CFLAR: variants seen among roughly 807,000 people sequenced by gnomAD.
The protein encoded by CFLAR is CASP8 and FADD like apoptosis regulator, also known as CASP8 and FADD-like apoptosis regulator.
In CFLAR, 14 loss-of-function variants were observed where a neutral mutation model predicts 51.1. The observed-to-expected ratio is 0.27, with a 90% CI of 0.18 to 0.43. CFLAR has a LOEUF of 0.43. Ranked by LOEUF, CFLAR falls within the 20% of genes least tolerant of loss-of-function variation. The pLI is 1.00. For missense variants in CFLAR, 390 were observed against 566.5 expected (o/e 0.69, Z 3.16); for synonymous variants, 210 against 211.6 (o/e 0.99, Z 0.06).
At chr2:201,162,153 G>A (rs2125939102) in intron 9 of CFLAR, among the ~76,000 whole-genome samples, 1 of 152,058 alleles carries the variant, frequency 6.6e-6, no homozygotes, top group African/African-American at 2.4e-5. Flanking sequence ...GTCCAGGCTG[G>A]AGTGCAGTGG....
At chr2:201,143,123 A>G (rs1236797125) in intron 5 of CFLAR, among the ~76,000 whole-genome samples, 1 of 152,204 alleles carries the variant, frequency 6.6e-6, no homozygotes, top group African/African-American at 2.4e-5. Context: ...ATTCATTGCT[A>G]TGTAGCCTGT....
chr2:201,117,916 C>T (rs2047776067), intron 1 of CFLAR, among the ~76,000 whole-genome samples: 2 of 152,198 alleles, frequency 1.3e-5, no homozygotes, highest in Middle Eastern at 3.4e-3. Flanking sequence ...CCACCATGCC[C>T]GGCTAGTTTT....
chr2:201,135,864 C>A, intron 3 of CFLAR, 108 bp from the exon 4 acceptor site: 2 of 1,452,504 alleles, frequency 1.4e-6, no homozygotes, highest in Admixed American at 2.3e-5. Context: ...TGGGCTCAAG[C>A]AGTCTTCCTG....
chr2:201,135,489 A>G (rs2125708585), intron 3 of CFLAR, among the ~76,000 whole-genome samples: 1 of 152,194 alleles, frequency 6.6e-6, no homozygotes, highest in East Asian at 1.9e-4. Flanking sequence ...TGTTCTGAGT[A>G]AAAATCAGGA....
intron 9 of CFLAR, among the ~76,000 whole-genome samples, chr2:201,162,196 G>A (rs1358734924): frequency 8.6e-5 from 13 of 151,982 alleles, no homozygotes; most frequent in Non-Finnish European, 1.6e-4. Flanking sequence ...TCCACCTCCC[G>A]GGTTCAGGCA....
In CFLAR at chr2:201,170,520, A is replaced by G. The variant is rs1288025076; in HGVS notation, c.*6547A>G. 9.2e-5 allele frequency: 14 copies of G among 152,204 alleles called. No homozygotes were observed. Among genetic ancestry groups the G allele is most frequent in the Non-Finnish European group, 1.9e-4 (13 of 68,028 alleles). The allele number at this position is 152,204 out of a possible 1,614,324, so 9.4% of individuals were successfully genotyped here. On this transcript the variant is annotated 3_prime_UTR_variant, in exon 10 of 10. Coordinates refer to ENST00000309955, the MANE Select transcript of CFLAR (RefSeq NM_003879.7). ...CCTAATCCAGTTTGACATCATATAG[A>G]TAAGTAGTTGAATTATGGATTTAAA...
intron 4 of CFLAR, 157 bp downstream of exon 4, chr2:201,136,264 A>C: frequency 6.2e-7 from 1 of 1,601,170 alleles, no homozygotes; most frequent in Non-Finnish European, 8.5e-7. Flanking sequence ...GCGTCCCTTT[A>C]TATTCTTCAT....
intron 9 of CFLAR, chr2:201,163,382 C>CT: frequency 8.7e-7 from 1 of 1,143,582 alleles, no homozygotes; most frequent in Non-Finnish European, 1.1e-6. Flanking sequence ...AATGATGTTT[C>CT]TGAGCCACCT....
At position 201,133,498 on chromosome 2, in the gene CFLAR, T is replaced by G. The variant is rs1379067033; in HGVS notation, c.387+364T>G. 2.6e-5 allele frequency among the ~76,000 whole-genome samples: 4 copies of G among 152,250 alleles called. No homozygotes were observed. In the East Asian group the frequency reaches 7.7e-4, roughly 29 times the overall value. ...GGAAGGAGGTGCTAGTCCACTATAG[T>G]ATCACTCTCCTACTGCCATCTATTT... is the stretch of plus-strand genomic sequence containing the variant. On this transcript the variant is annotated intron_variant, in intron 3 of 9. Coordinates refer to ENST00000309955, the MANE Select transcript of CFLAR (RefSeq NM_003879.7).
chr2:201,136,038 T>C lies in CFLAR; in HGVS notation c.454T>C (p.Leu152=), dbSNP rs1265507817. The change falls in exon 4 of 10, where the codon TTA becomes CTA. Residue 152 remains leucine, a synonymous_variant. Coordinates refer to ENST00000309955, the MANE Select transcript of CFLAR (RefSeq NM_003879.7). ...NLVAPDQLDL[L]EKCLKNIHRI... ...GGTTGCCCCAGATCAACTGGATTTA[T>C]TAGAAAAATGCCTAAAGAACATCCA... is the stretch of plus-strand genomic sequence containing the variant. 3 of 1,614,102 alleles carry C rather than the reference T, an allele frequency of 1.9e-6. No individual in the cohort carries two copies. The highest frequency in any genetic ancestry group is 1.7e-5 in the Admixed American group (1 of 60,008).
At chr2:201,163,009 G>T in intron 9 of CFLAR, 1 of 753,024 alleles carries the variant, frequency 1.3e-6, no homozygotes, top group South Asian at 1.4e-5. Context: ...GACAATTCCC[G>T]GAAGTGGAAT....
At chr2:201,147,109 T>G (rs1361622688) in intron 6 of CFLAR, among the ~76,000 whole-genome samples, 1 of 152,240 alleles carries the variant, frequency 6.6e-6, no homozygotes, top group African/African-American at 2.4e-5. Flanking sequence ...TGCTCCCTGA[T>G]GGCAATTTTA....
At chr2:201,137,644 C>T in intron 4 of CFLAR, 2 of 758,418 alleles carry the variant, frequency 2.6e-6, no homozygotes, top group Non-Finnish European at 4.9e-6. Context: ...AGGCTGTGGG[C>T]CCCGATATCC....
In CFLAR at chr2:201,118,829, C is replaced by T. The variant is rs2047875550; in HGVS notation, c.-138+2348C>T. The stretch of plus-strand genomic sequence containing the variant: ...ATTCTGGTTTTGCGGAGCAGCAGGT[C>T]TGAGCTTGTCCGGCGAGGGTGGGAG... On this transcript the variant is annotated intron_variant, in intron 1 of 9. Transcript: ENST00000309955. This position sits in a 1 kb window ranked among gnomAD's most constrained non-coding sequence, Gnocchi z 5.1. 6.6e-6 allele frequency: 1 copy of T among 152,424 alleles called. No homozygotes were observed. Among genetic ancestry groups the T allele is most frequent in the African/African-American group, 2.4e-5 (1 of 41,458 alleles). The allele number at this position is 152,424 out of a possible 1,614,324, so 9.4% of individuals were successfully genotyped here.
chr2:201,163,662 A>G, intron 9 of CFLAR, 173 bp from the exon 10 acceptor site: 1 of 1,405,910 alleles, frequency 7.1e-7, no homozygotes, highest in Admixed American at 3.1e-5. Context: ...GATGGTGGCC[A>G]TCAGGCCAGA....
chr2:201,161,706 C>T (rs1438798839), intron 9 of CFLAR, among the ~76,000 whole-genome samples: 9 of 149,424 alleles, frequency 6.0e-5, no homozygotes, highest in Non-Finnish European at 8.9e-5. Flanking sequence ...TGAGCCACTG[C>T]GCCTGGCCAC....
rs772209795 is a variant in CFLAR at position 201,174,169 on chromosome 2, TG to T, written c.*10198del. 3 of 151,186 alleles carry T rather than the reference TG, an allele frequency of 2.0e-5. No homozygotes were observed. Among genetic ancestry groups the T allele is most frequent in the Non-Finnish European group, 4.4e-5 (3 of 68,048 alleles). The allele number at this position is 151,186 out of a possible 1,614,324, so 9.4% of individuals were successfully genotyped here. On this transcript the variant is annotated 3_prime_UTR_variant, in exon 10 of 10. Transcript: ENST00000309955. ...TTTTTTATGTTATTGCTTATGCTTTTGGTGTCATACCTAAAAAACCATTGTC... is the reference window on the plus strand; with the variant it reads ...TTTTTTATGTTATTGCTTATGCTTTTGTGTCATACCTAAAAAACCATTGTC...
intron 8 of CFLAR, among the ~76,000 whole-genome samples, chr2:201,157,049 G>A (rs770142976): frequency 6.6e-6 from 1 of 152,194 alleles, no homozygotes; most frequent in Non-Finnish European, 1.5e-5. Flanking sequence ...TTGGTGATTT[G>A]TACTTTGAAA....
chr2:201,132,331 T>C (rs901419512), intron 2 of CFLAR, among the ~76,000 whole-genome samples: 1 of 151,934 alleles, frequency 6.6e-6, no homozygotes. Flanking sequence ...ATGGCCTTGA[T>C]GACAATGTCA....
Sources: allele counts gnomAD v4.1 joint callset (sites outside exome capture counted in the v4.1 genomes callset), GRCh38; gene constraint gnomAD v4.1.1; non-coding constraint Gnocchi (gnomAD v3.1); transcripts MANE v1.5; gene names NCBI Gene and HGNC (gene_info 2026-07-23, HGNC 2026-07-21).